The following SPON2 variants were observed in gnomAD, a reference collection of about 807,000 sequenced individuals.
SPON2 encodes spondin 2.
Under a neutral mutation model 29.9 loss-of-function variants are expected in SPON2, and 32 were observed. The ratio of observed to expected loss-of-function variants is 1.07; its 90% confidence interval spans 0.81 to 1.44. SPON2 has a LOEUF of 1.44. Among genes scored for constraint, SPON2 ranks in the 40% most tolerant of loss-of-function variants. The probability of loss-of-function intolerance (pLI) is 0.00; values close to 1 mark genes in which losing one functional copy is unlikely to be tolerated. For synonymous variants in SPON2, 248 were observed against 209.1 expected (o/e 1.19, Z -1.61); for missense variants, 541 against 455.5 (o/e 1.19, Z -1.71).
At chr4:1,179,817 C>T (rs1177342178) in intron 1 of SPON2, among the ~76,000 whole-genome samples, 1 of 152,162 alleles carries the variant, frequency 6.6e-6, no homozygotes, top group East Asian at 1.9e-4. Context: ...CCCTAGAAGA[C>T]ACCACTTGCA....
Position 1,171,131 on chromosome 4 carries a change from C to G in SPON2, c.504G>C (p.Leu168=). ...SPDWFVGVDS[L]DLCDGDRWRE... is the part of the protein sequence containing the mutation. ...GCCAACGGTCCCCGTCGCACAGGTC[C>G]AGGCTGTCCACGCCCACGAACCAGT... Residue 168 remains leucine (L), a synonymous_variant, in exon 4 of 6, where the codon CTG becomes CTC. Coordinates refer to ENST00000290902, the MANE Select transcript of SPON2 (RefSeq NM_012445.4). 2 of 1,553,954 alleles carry G rather than the reference C, an allele frequency of 1.3e-6. No individual in the cohort carries two copies. The highest frequency in any genetic ancestry group is 1.7e-6 in the Non-Finnish European group (2 of 1,148,984).
At chr4:1,192,437 A>G (rs1017161855) in intron 1 of SPON2, among the ~76,000 whole-genome samples, 2 of 152,250 alleles carry the variant, frequency 1.3e-5, no homozygotes, top group African/African-American at 4.8e-5. Flanking sequence ...TCCTACTCTC[A>G]ATCTCTTGAC....
chr4:1,193,788 C>T (rs1377456490), intron 1 of SPON2, among the ~76,000 whole-genome samples: 1 of 13,712 alleles, frequency 7.3e-5, no homozygotes, highest in Admixed American at 7.4e-4. Context: ...GTGGGAAGGA[C>T]GTGGGGGGGT....
rs1459230870 is a variant in SPON2 at position 1,167,061 on chromosome 4, G to GT, written c.*410dup. ...CCCGCTTGGATGCGCCCTCGGGAGA[G>GT]TGGGCTCAGCACAGCCTAGAGCACC... On this transcript the variant is annotated 3_prime_UTR_variant, in exon 6 of 6. Coordinates refer to ENST00000290902, the MANE Select transcript of SPON2 (RefSeq NM_012445.4). 2 of 169,242 alleles carry GT rather than the reference G, an allele frequency of 1.2e-5. No homozygotes were observed. Among genetic ancestry groups the GT allele is most frequent in the East Asian group, 3.4e-4 (2 of 5,914 alleles). 10.5% of individuals were successfully genotyped at this position (169,242 alleles called of 1,614,324 possible).
At chr4:1,194,560 C>T (rs1297212646) in intron 1 of SPON2, among the ~76,000 whole-genome samples, 4 of 152,134 alleles carry the variant, frequency 2.6e-5, no homozygotes, top group Admixed American at 2.0e-4. Context: ...CTTCCTGGCC[C>T]GGGTGGGCTC....
rs961201560 is a variant in SPON2 at position 1,202,985 on chromosome 4, G to A, written c.-234+4895C>T. Among the ~76,000 whole-genome samples the A allele has an allele frequency of 1.3e-5, 2 of 152,166 alleles. No homozygotes were observed. The highest frequency in any genetic ancestry group is 6.5e-5 in the Admixed American group (1 of 15,284). ...GCTCTGCGGTCCCAAAGGTGCCCCA[G>A]GGTCTCATCCCTTGCCATGATTCTG... is the stretch of plus-strand genomic sequence containing the variant. On this transcript the variant is annotated intron_variant, in intron 1 of 3. Coordinates refer to the SPON2 transcript ENST00000509233. This position sits in a 1 kb window ranked among gnomAD's most constrained non-coding sequence, Gnocchi z 5.4.
intron 4 of SPON2, 178 bp from the exon 5 acceptor site, chr4:1,170,754 A>G (rs1014889547): frequency 3.0e-6 from 3 of 992,468 alleles, no homozygotes; most frequent in Middle Eastern, 2.0e-4. Context: ...AACCGAGGCC[A>G]GGAAGGGGCA....
chr4:1,192,851 C>T (rs2108667921), intron 1 of SPON2, among the ~76,000 whole-genome samples: 1 of 152,324 alleles, frequency 6.6e-6, no homozygotes, highest in East Asian at 1.9e-4. Context: ...TCACATCAGG[C>T]TGTTCCAGCA....
Position 1,167,587 on chromosome 4 carries a change from C to T in SPON2, c.881G>A (p.Gly294Glu), listed in dbSNP as rs1371817658. 6.2e-7 allele frequency: 1 copy of T among 1,613,434 alleles called. No homozygotes were observed. Among genetic ancestry groups the T allele is most frequent in the African/African-American group, 1.3e-5 (1 of 74,940 alleles). The stretch of plus-strand genomic sequence containing the variant: ...AGTCCTGCTCTTGGTCCCGAGCCTC[C>T]CACAGTGGCCTCCGCACAGTCCCCA... ...SSWGLCGGHC[G>E]RLGTKSRTRY... Residue 294 changes from glycine to glutamate, a missense_variant, in exon 6 of 6, where the codon GGG (glycine) becomes GAG (glutamate). Coordinates refer to ENST00000290902, the MANE Select transcript of SPON2 (RefSeq NM_012445.4).
At chr4:1,194,201 C>T (rs948251607) in intron 1 of SPON2, among the ~76,000 whole-genome samples, 3 of 152,158 alleles carry the variant, frequency 2.0e-5, no homozygotes, top group Non-Finnish European at 2.9e-5. Context: ...AGCCCCACGA[C>T]GGCAAATGGG....
chr4:1,167,875 CG>C (rs1727298609), intron 5 of SPON2: 1 of 467,632 alleles, frequency 2.1e-6, no homozygotes, highest in Non-Finnish European at 3.7e-6. Flanking sequence ...CGCGTTTCTA[CG>C]TAAGAGCCGG....
At chr4:1,176,650 C>G (rs1179703891), upstream of SPON2, among the ~76,000 whole-genome samples, 2 of 151,570 alleles carry the variant, frequency 1.3e-5, no homozygotes, top group African/African-American at 2.4e-5. Context: ...CATTCATTCA[C>G]TAATTCACTC....
At chr4:1,191,240 G>A (rs1015977466) in intron 1 of SPON2, among the ~76,000 whole-genome samples, 2 of 152,062 alleles carry the variant, frequency 1.3e-5, no homozygotes, top group Non-Finnish European at 2.9e-5. Flanking sequence ...AATCAAGACA[G>A]TATGGTACTG....
intron 1 of SPON2, among the ~76,000 whole-genome samples, chr4:1,201,804 C>T (rs186976678): frequency 3.3e-5 from 5 of 152,142 alleles, no homozygotes; most frequent in East Asian, 1.9e-4. Flanking sequence ...AGGATGGTCT[C>T]GATCTCCTGA....
chr4:1,174,486 CAAAAAAAAA>C (rs59532169), upstream of SPON2, among the ~76,000 whole-genome samples: 9 of 94,256 alleles, frequency 9.5e-5, no homozygotes, highest in South Asian at 3.0e-3. Flanking sequence ...GACTCCATCT[CAAAAAAAAA>C]AAAAAAACAA....
chr4:1,207,404 T>C (rs544204747), intron 1 of SPON2, among the ~76,000 whole-genome samples: 1 of 152,152 alleles, frequency 6.6e-6, no homozygotes, highest in East Asian at 1.9e-4. Flanking sequence ...GGATAGTGAG[T>C]GGCGAGCCCT....
chr4:1,180,403 AG>A (rs200219362), intron 1 of SPON2, among the ~76,000 whole-genome samples: 2,754 of 152,338 alleles, frequency 0.018, 28 homozygotes, highest in Non-Finnish European at 0.026. Context: ...GGGGGAATGG[AG>A]GTGTATCTGG....
chr4:1,179,088 G>A (rs913681421), intron 2 of SPON2, among the ~76,000 whole-genome samples: 1 of 152,186 alleles, frequency 6.6e-6, no homozygotes, highest in Admixed American at 6.5e-5. Flanking sequence ...GATGTGAATC[G>A]TGCCAGTGAG....
At chr4:1,192,079 G>A (rs780748210) in intron 1 of SPON2, among the ~76,000 whole-genome samples, 8 of 152,246 alleles carry the variant, frequency 5.3e-5, no homozygotes, top group South Asian at 4.1e-4. Flanking sequence ...CCATGCTAGC[G>A]TCAGGGGACA....
Sources: gnomAD v4.1 joint callset for allele counts (sites outside exome capture counted in the v4.1 genomes callset) on GRCh38, gnomAD v4.1.1 for gene constraint, Gnocchi (gnomAD v3.1) non-coding constraint, MANE v1.5 for transcripts, NCBI Gene and HGNC (gene_info 2026-07-23, HGNC 2026-07-21) for gene names.